Variants in ADGRL3 observed in about 807,000 individuals in gnomAD.
ADGRL3 encodes calcium-independent alpha-latrotoxin receptor 3.
In ADGRL3, 62 loss-of-function variants were observed where a neutral mutation model predicts 153.5. The ratio of observed to expected loss-of-function variants is 0.40; its 90% confidence interval spans 0.33 to 0.50. The LOEUF (loss-of-function observed/expected upper bound fraction) is 0.50. Among genes scored for constraint, ADGRL3 ranks in the 20% least tolerant of loss-of-function variants. The pLI, the probability that ADGRL3 is intolerant of heterozygous loss-of-function variation, is 0.47. For synonymous variants in ADGRL3, 710 were observed against 672.5 expected, an observed-to-expected ratio of 1.06 and a Z score of -0.86; for missense variants, 1,641 against 1,859.4, an observed-to-expected ratio of 0.88 and a Z score of 2.16.
chr4:61,976,164 A>G (rs939805658), intron 17 of ADGRL3, among the ~76,000 whole-genome samples: 13 of 152,190 alleles, frequency 8.5e-5, no homozygotes, highest in African/African-American at 3.1e-4. Context: ...CTCAAGGTAC[A>G]TAATGGTATA....
intron 4 of ADGRL3, among the ~76,000 whole-genome samples, chr4:61,553,470 C>G (rs1341742522): frequency 6.6e-6 from 1 of 152,120 alleles, no homozygotes; most frequent in Non-Finnish European, 1.5e-5. Flanking sequence ...ACATACAATA[C>G]TTCTCAGAAT....
chr4:61,508,440 T>A (rs769773214), intron 3 of ADGRL3, among the ~76,000 whole-genome samples: 9 of 152,190 alleles, frequency 5.9e-5, no homozygotes, highest in Non-Finnish European at 8.8e-5. Context: ...ACATAGTAGC[T>A]TAGTGTTCTG....
intron 5 of ADGRL3, among the ~76,000 whole-genome samples, chr4:61,613,805 A>T (rs552205131): frequency 6.6e-6 from 1 of 152,316 alleles, no homozygotes. Flanking sequence ...GATGTTAAAC[A>T]AAATATGTAA....
At chr4:61,763,142 C>A (rs2096932853) in intron 8 of ADGRL3, among the ~76,000 whole-genome samples, 1 of 150,872 alleles carries the variant, frequency 6.6e-6, no homozygotes, top group Non-Finnish European at 1.5e-5. Flanking sequence ...TTTCTTTACT[C>A]TTTTTATTCA....
chr4:61,483,250 A>G (rs1376127860), intron 2 of ADGRL3, among the ~76,000 whole-genome samples: 1 of 152,162 alleles, frequency 6.6e-6, no homozygotes, highest in Non-Finnish European at 1.5e-5. Flanking sequence ...AATTTATAGT[A>G]TTATTTGTAT....
At chr4:61,993,290 CTTTTT>C (rs761710043) in intron 19 of ADGRL3, among the ~76,000 whole-genome samples, 2 of 69,200 alleles carry the variant, frequency 2.9e-5, no homozygotes, top group Non-Finnish European at 5.7e-5. Flanking sequence ...TCTTTCTTTC[CTTTTT>C]TTTTTTTTTT....
intron 1 of ADGRL3, among the ~76,000 whole-genome samples, chr4:61,261,428 C>T (rs1014576539): frequency 1.3e-5 from 2 of 152,074 alleles, no homozygotes; most frequent in African/African-American, 2.4e-5. Flanking sequence ...TAGCACTTGG[C>T]ACACATGAAA....
chr4:61,810,644 C>T (rs190019957), intron 8 of ADGRL3, among the ~76,000 whole-genome samples: 147 of 152,178 alleles, frequency 9.7e-4, no homozygotes, highest in African/African-American at 3.4e-3. Context: ...AAAATAAAGG[C>T]TTTTCCAGAA....
At chr4:62,068,350 C>A (rs1026721610) in intron 26 of ADGRL3, 167 bp downstream of exon 26, 1 of 429,862 alleles carries the variant, frequency 2.3e-6, no homozygotes, top group Non-Finnish European at 4.0e-6. Flanking sequence ...AGAGATTAGA[C>A]GCTTTTGTTG....
intron 1 of ADGRL3, among the ~76,000 whole-genome samples, chr4:61,362,330 A>ATATG (rs201536311): frequency 0.014 from 2,065 of 149,904 alleles, 22 homozygotes; most frequent in Middle Eastern, 0.031. Context: ...TGAAAATTAT[A>ATATG]TATATATATA....
intron 5 of ADGRL3, among the ~76,000 whole-genome samples, chr4:61,667,723 T>A (rs1477571199): frequency 6.6e-6 from 1 of 152,220 alleles, no homozygotes; most frequent in Non-Finnish European, 1.5e-5. Flanking sequence ...CTTTGTATGC[T>A]GAGAATTTCA....
intron 4 of ADGRL3, among the ~76,000 whole-genome samples, chr4:61,581,276 A>G (rs1213711741): frequency 2.6e-5 from 4 of 151,956 alleles, no homozygotes; most frequent in Non-Finnish European, 4.4e-5. Flanking sequence ...AGCTGTTACT[A>G]GTAAGCATGT....
Position 62,070,401 on chromosome 4 carries a change from C to CA in ADGRL3, c.4126dup (p.Ile1376AsnfsTer5). The CA allele has an allele frequency of 6.4e-7, 1 of 1,551,994 alleles. No individual in the cohort carries two copies. Among genetic ancestry groups the CA allele is most frequent in the Non-Finnish European group, 8.7e-7 (1 of 1,147,054 alleles). On this transcript the variant is annotated frameshift_variant, in exon 27 of 27. Transcript: ENST00000683033. LOFTEE classifies it high-confidence loss of function. ...TTGGCAGTGGAAGGGAAGATGATGCCATTGTCCTGGATGATGCCACCTCGT... is the reference window on the plus strand; with the variant it reads ...TTGGCAGTGGAAGGGAAGATGATGCCAATTGTCCTGGATGATGCCACCTCGT...
chr4:61,450,157 T>C (rs1295751525), intron 2 of ADGRL3, among the ~76,000 whole-genome samples: 2 of 152,202 alleles, frequency 1.3e-5, no homozygotes, highest in Non-Finnish European at 2.9e-5. Context: ...ACTACATTTA[T>C]GATTTTAATA....
chr4:61,503,643 G>A (rs1292586843), intron 3 of ADGRL3, among the ~76,000 whole-genome samples: 1 of 151,866 alleles, frequency 6.6e-6, no homozygotes, highest in Non-Finnish European at 1.5e-5. Context: ...TTAGTTTTAA[G>A]AGATTTTTAG....
intron 6 of ADGRL3, among the ~76,000 whole-genome samples, chr4:61,707,301 A>G (rs550881436): frequency 6.6e-6 from 1 of 152,214 alleles, no homozygotes; most frequent in Non-Finnish European, 1.5e-5. Flanking sequence ...GACACCAAGT[A>G]AGCACATGCT....
chr4:61,326,786 T>C (rs1046366933), intron 1 of ADGRL3, among the ~76,000 whole-genome samples: 5 of 151,998 alleles, frequency 3.3e-5, no homozygotes, highest in African/African-American at 1.2e-4. Context: ...GTGTTAAAAT[T>C]GAACTATGCA....
chr4:61,543,823 T>A (rs1233742994), intron 4 of ADGRL3, among the ~76,000 whole-genome samples: 1 of 152,228 alleles, frequency 6.6e-6, no homozygotes, highest in Non-Finnish European at 1.5e-5. Flanking sequence ...ACTGCATCTG[T>A]ATTGCTATAA....
At chr4:61,592,111 C>T (rs965091977) in intron 5 of ADGRL3, among the ~76,000 whole-genome samples, 5 of 151,538 alleles carry the variant, frequency 3.3e-5, no homozygotes, top group African/African-American at 9.7e-5. Flanking sequence ...AATTGTTCCC[C>T]ATCTTTCTGA....
Sources: gnomAD v4.1 joint callset for allele counts (sites outside exome capture counted in the v4.1 genomes callset) on GRCh38, gnomAD v4.1.1 for gene constraint, MANE v1.5 for transcripts, NCBI Gene and HGNC (gene_info 2026-07-23, HGNC 2026-07-21) for gene names.